DZIP3: variants seen among roughly 807,000 people sequenced by gnomAD.
The protein encoded by DZIP3 is E3 ubiquitin-protein ligase DZIP3.
Under a neutral mutation model 162.0 loss-of-function variants are expected in DZIP3, and 118 were observed. That is an observed-to-expected ratio of 0.73 (90% CI 0.63 to 0.85). The LOEUF is 0.85. Ranked by LOEUF, DZIP3 falls within the 40% of genes least tolerant of loss-of-function variation. The pLI is 0.00. For missense variants in DZIP3, 1,331 were observed against 1,407.0 expected (o/e 0.95, Z 0.86); for synonymous variants, 438 against 458.6 (o/e 0.96, Z 0.57).
At chr3:108,645,208 A>G (rs1373497658) in intron 14 of DZIP3, among the ~76,000 whole-genome samples, 1 of 152,134 alleles carries the variant, frequency 6.6e-6, no homozygotes, top group Non-Finnish European at 1.5e-5. Flanking sequence ...AGGAGTCTGC[A>G]TTTTTCAGAA....
intron 1 of DZIP3, among the ~76,000 whole-genome samples, chr3:108,594,442 C>A (rs1939602425): frequency 7.6e-6 from 1 of 132,262 alleles, no homozygotes; most frequent in South Asian, 2.9e-4. Context: ...GCTCCCCCCC[C>A]ATATATATAT....
At chr3:108,639,580 T>C (rs1174213767) in intron 12 of DZIP3, among the ~76,000 whole-genome samples, 3 of 152,134 alleles carry the variant, frequency 2.0e-5, no homozygotes, top group African/African-American at 7.2e-5. Context: ...TTAGTAGTCA[T>C]GGTTCCATTT....
chr3:108,654,974 A>G (rs1489469306), intron 19 of DZIP3, among the ~76,000 whole-genome samples: 2 of 152,166 alleles, frequency 1.3e-5, no homozygotes, highest in African/African-American at 2.4e-5. Flanking sequence ...AGTTAGTGCA[A>G]ATGATTCCCT....
intron 11 of DZIP3, among the ~76,000 whole-genome samples, chr3:108,637,110 T>A (rs1395535401): frequency 6.6e-6 from 1 of 152,050 alleles, no homozygotes; most frequent in African/African-American, 2.4e-5. Flanking sequence ...TAGTACCTGT[T>A]ACATAAAATG....
chr3:108,652,089 T>C (rs146329023), intron 18 of DZIP3, among the ~76,000 whole-genome samples: 11 of 151,932 alleles, frequency 7.2e-5, no homozygotes, highest in Non-Finnish European at 1.6e-4. Flanking sequence ...GCCATAAATA[T>C]AGCGTAATAA....
At chr3:108,629,867 C>A (rs539349571) in intron 8 of DZIP3, among the ~76,000 whole-genome samples, 2 of 151,328 alleles carry the variant, frequency 1.3e-5, no homozygotes, top group East Asian at 1.9e-4. Flanking sequence ...TTATACAATG[C>A]GATTTTGGCA....
chr3:108,679,731 CT>C (rs1408162306), intron 26 of DZIP3, among the ~76,000 whole-genome samples: 1 of 152,090 alleles, frequency 6.6e-6, no homozygotes, highest in Non-Finnish European at 1.5e-5. Context: ...CTCTTCTGGA[CT>C]TTTGATTTCC....
intron 25 of DZIP3, among the ~76,000 whole-genome samples, chr3:108,676,611 CA>C (rs879880395): frequency 2.4e-4 from 35 of 143,482 alleles, no homozygotes; most frequent in East Asian, 6.0e-4. Flanking sequence ...ACACTATCAG[CA>C]AAAAAAAAAG....
intron 19 of DZIP3, among the ~76,000 whole-genome samples, chr3:108,657,734 T>C (rs1232169233): frequency 6.6e-6 from 1 of 152,128 alleles, no homozygotes; most frequent in Non-Finnish European, 1.5e-5. Context: ...TGTGCTGTAT[T>C]CAGGAAACCC....
At chr3:108,613,917 G>A (rs1299584414) in intron 4 of DZIP3, among the ~76,000 whole-genome samples, 1 of 152,118 alleles carries the variant, frequency 6.6e-6, no homozygotes, top group African/African-American at 2.4e-5. Context: ...AATCACAATA[G>A]AAGTTAGATA....
intron 1 of DZIP3, chr3:108,590,115 TTC>T (rs1576327696): frequency 6.6e-6 from 1 of 152,324 alleles, no homozygotes; most frequent in East Asian, 1.9e-4. Flanking sequence ...AGGTGTCTGT[TTC>T]TCTCTGGCAT....
At chr3:108,605,304 T>A in intron 1 of DZIP3, 31 bp from the exon 2 acceptor site, 1 of 1,473,720 alleles carries the variant, frequency 6.8e-7, no homozygotes, top group Non-Finnish European at 9.4e-7. Flanking sequence ...GTAACTTTCC[T>A]ATCTTCATAA....
rs147789886 is a variant in DZIP3, at chr3:108,655,171, A to G, written c.2199+861A>G. ...CAAAGATAGAATTAAAATGACACATACCTTTAAAAAAAGTTTATTCATTTA... is the reference window on the plus strand; with the variant it reads ...CAAAGATAGAATTAAAATGACACATGCCTTTAAAAAAAGTTTATTCATTTA... On this transcript the variant is annotated intron_variant, in intron 19 of 32. Coordinates refer to ENST00000361582, the MANE Select transcript of DZIP3 (RefSeq NM_014648.4). Among the ~76,000 whole-genome samples the G allele has an allele frequency of 5.9e-5, 9 of 152,334 alleles. No homozygotes were observed. The East Asian group carries it at 1.5e-3, about 26-fold the overall frequency.
chr3:108,605,748 C>T (rs1198936976), intron 2 of DZIP3, among the ~76,000 whole-genome samples: 1 of 152,196 alleles, frequency 6.6e-6, no homozygotes, highest in Non-Finnish European at 1.5e-5. Context: ...AGGCCATGTA[C>T]CTGTACTTGT....
chr3:108,644,853 G>A, intron 14 of DZIP3, 72 bp downstream of exon 14: 1 of 1,423,608 alleles, frequency 7.0e-7, no homozygotes, highest in Non-Finnish European at 9.6e-7. Context: ...CAGGCACAGT[G>A]CAAAGGGCAA....
At chr3:108,591,061 A>G (rs1361110520) in intron 1 of DZIP3, among the ~76,000 whole-genome samples, 1 of 152,242 alleles carries the variant, frequency 6.6e-6, no homozygotes, top group Non-Finnish European at 1.5e-5. Context: ...GATAAGGGAA[A>G]TGGGAAGGTG....
In DZIP3 at chr3:108,657,806, A is replaced by C. The variant is rs887029933; in HGVS notation, c.2199+3496A>C. On this transcript the variant is annotated intron_variant, in intron 19 of 32. Transcript: ENST00000361582. ...AGAGATGGAGGAAGATCTACCAAGCAAATGGAAAACAAAAAAAGGCAGGGG... is the reference window on the plus strand; with the variant it reads ...AGAGATGGAGGAAGATCTACCAAGCCAATGGAAAACAAAAAAAGGCAGGGG... Among the ~76,000 whole-genome samples, 111 of 152,332 alleles carry C rather than the reference A, an allele frequency of 7.3e-4. 5 individuals carry two copies. Among genetic ancestry groups the C allele is most frequent in the Middle Eastern group, 3.4e-3 (1 of 294 alleles).
At chr3:108,634,742 T>C (rs1942059814) in intron 9 of DZIP3, 129 bp from the exon 10 acceptor site, 1 of 453,752 alleles carries the variant, frequency 2.2e-6, no homozygotes. Context: ...TGATTTCTGT[T>C]GATAAATTTT....
chr3:108,655,514 G>A (rs1319669778), intron 19 of DZIP3, among the ~76,000 whole-genome samples: 1 of 152,124 alleles, frequency 6.6e-6, no homozygotes, highest in Non-Finnish European at 1.5e-5. Context: ...GGTAAGTGGG[G>A]GGTGGAGCCA....
Sources: allele counts gnomAD v4.1 joint callset (sites outside exome capture counted in the v4.1 genomes callset), GRCh38; gene constraint gnomAD v4.1.1; transcripts MANE v1.5; gene names NCBI Gene and HGNC (gene_info 2026-07-23, HGNC 2026-07-21).